Variants in ENPP3 observed in about 807,000 individuals in gnomAD.
ENPP3 encodes ectonucleotide pyrophosphatase/phosphodiesterase family member 3.
Under a neutral mutation model 117.8 loss-of-function variants are expected in ENPP3, and 104 were observed. The ratio of observed to expected loss-of-function variants is 0.88; its 90% confidence interval spans 0.75 to 1.04. The LOEUF is 1.04. Ranked by LOEUF, ENPP3 falls within the 50% of genes least tolerant of loss-of-function variation. The pLI is 0.00. For missense variants in ENPP3, 1,026 were observed against 1,051.9 expected (o/e 0.98, Z 0.34); for synonymous variants, 380 against 349.9 (o/e 1.09, Z -0.96).
chr6:131,734,081 C>T (rs1780344532), intron 21 of ENPP3, among the ~76,000 whole-genome samples: 1 of 151,968 alleles, frequency 6.6e-6, no homozygotes, highest in African/African-American at 2.4e-5. Flanking sequence ...CAGCTGTGCC[C>T]GTGAAAAGAA....
Position 131,671,343 on chromosome 6 carries a change from A to T in ENPP3, c.642+16A>T, listed in dbSNP as rs1392420867. The T allele has an allele frequency of 6.5e-7, 1 of 1,527,042 alleles. No homozygotes were observed. The allele number at this position is 1,527,042 out of a possible 1,614,324, so 94.6% of individuals were successfully genotyped here. On this transcript the variant is annotated intron_variant, in intron 7 of 24. Transcript: ENST00000357639. Reference sequence around the variant, plus strand: ...CATTGTCACGGTAAGTGCTTGACCCAGTGGTAAGACAGGCCAAAGACCAGA... The same window carrying T: ...CATTGTCACGGTAAGTGCTTGACCCTGTGGTAAGACAGGCCAAAGACCAGA...
chr6:131,692,738 A>G (rs1450530229), intron 14 of ENPP3, among the ~76,000 whole-genome samples: 6 of 145,872 alleles, frequency 4.1e-5, no homozygotes, highest in Non-Finnish European at 9.0e-5. Flanking sequence ...TGGCTATATT[A>G]TATATGATAT....
intron 2 of ENPP3, among the ~76,000 whole-genome samples, chr6:131,649,817 A>G (rs1188375467): frequency 3.3e-5 from 5 of 152,044 alleles, no homozygotes; most frequent in Non-Finnish European, 5.9e-5. Flanking sequence ...TGGCCTCACA[A>G]AGTGTTGTTA....
chr6:131,672,566 ACTCT>A (rs1778768779), intron 7 of ENPP3, among the ~76,000 whole-genome samples: 1 of 152,014 alleles, frequency 6.6e-6, no homozygotes, highest in South Asian at 2.1e-4. Context: ...CAGGAACCTA[ACTCT>A]CTATTTTTCC....
intron 24 of ENPP3, 142 bp downstream of exon 24, chr6:131,740,522 C>T (rs1317978324): frequency 1.9e-6 from 1 of 535,662 alleles, no homozygotes; most frequent in Non-Finnish European, 3.1e-6. Context: ...CATTTTTAGG[C>T]TTTTCCTTAG....
intron 23 of ENPP3, among the ~76,000 whole-genome samples, chr6:131,738,924 ATTT>A (rs1780461842): frequency 6.6e-6 from 1 of 152,182 alleles, no homozygotes; most frequent in Non-Finnish European, 1.5e-5. Flanking sequence ...CCATGTCCTT[ATTT>A]CAGTGTTGAA....
intron 24 of ENPP3, among the ~76,000 whole-genome samples, chr6:131,742,751 G>T (rs1456993227): frequency 6.6e-6 from 1 of 152,144 alleles, no homozygotes; most frequent in Non-Finnish European, 1.5e-5. Context: ...AACACATCTT[G>T]AGTTTGCTTA....
intron 24 of ENPP3, among the ~76,000 whole-genome samples, chr6:131,742,054 G>A (rs141736041): frequency 1.9e-4 from 29 of 152,246 alleles, no homozygotes; most frequent in African/African-American, 5.1e-4. Flanking sequence ...TGACATTTCA[G>A]TTGGGTCATG....
chr6:131,737,944 T>C (rs1190955085), intron 22 of ENPP3, 87 bp from the exon 23 acceptor site: 1 of 925,496 alleles, frequency 1.1e-6, no homozygotes, highest in African/African-American at 1.7e-5. Context: ...GAATTTCATG[T>C]TATTTAAATG....
At position 131,709,850 on chromosome 6, in the gene ENPP3, A is replaced by T. The variant is rs200226156; in HGVS notation, c.1413-8822A>T. Reference sequence around the variant, plus strand: ...AGTTTCATTTCATTTTCTTGATAGAATTCAGTCATTATTTTAAGTTTCTGT... The same window carrying T: ...AGTTTCATTTCATTTTCTTGATAGATTTCAGTCATTATTTTAAGTTTCTGT... On this transcript the variant is annotated intron_variant, in intron 15 of 24. Transcript: ENST00000357639. 921 of 1,599,076 alleles carry T rather than the reference A, an allele frequency of 5.8e-4. 7 individuals are homozygous for T. The South Asian group carries it at 9.8e-3, about 17-fold the overall frequency.
intron 17 of ENPP3, 114 bp downstream of exon 17, chr6:131,720,493 A>G (rs570880008): frequency 1.9e-6 from 1 of 527,858 alleles, no homozygotes; most frequent in East Asian, 3.0e-5. Context: ...GTGAGAAGGC[A>G]GAAAGTAAAA....
In ENPP3 at chr6:131,723,086, A is replaced by C. The variant is rs1780070641; in HGVS notation, c.1746+681A>C. Among the ~76,000 whole-genome samples the C allele has an allele frequency of 1.3e-5, 2 of 152,188 alleles. 1 individual carries two copies. The highest frequency in any genetic ancestry group is 4.1e-4 in the South Asian group (2 of 4,832). ...GATGGGGTTGGGATTTCAGAGTGAA[A>C]TTGGAGCCCCGTTATCAGGAGTCCT... On this transcript the variant is annotated intron_variant, in intron 18 of 24. Coordinates refer to ENST00000357639, the MANE Select transcript of ENPP3 (RefSeq NM_005021.5).
At chr6:131,638,471 T>A (rs1197976725) in intron 1 of ENPP3, 1 of 453,500 alleles carries the variant, frequency 2.2e-6, no homozygotes, top group African/African-American at 2.0e-5. Context: ...CTTTGGGATC[T>A]CACCTCACCA....
chr6:131,676,012 C>T (rs1369964586), intron 9 of ENPP3, among the ~76,000 whole-genome samples: 1 of 152,086 alleles, frequency 6.6e-6, no homozygotes, highest in African/African-American at 2.4e-5. Flanking sequence ...TCTGCTACTC[C>T]CTCGGGTGCT....
At chr6:131,742,227 T>A (rs896925832) in intron 24 of ENPP3, among the ~76,000 whole-genome samples, 1 of 152,172 alleles carries the variant, frequency 6.6e-6, no homozygotes. Flanking sequence ...ACTTTTTCTG[T>A]CAGCATTTTG....
intron 20 of ENPP3, among the ~76,000 whole-genome samples, chr6:131,727,469 C>T (rs1043670190): frequency 9.5e-5 from 14 of 147,914 alleles, no homozygotes; most frequent in African/African-American, 2.5e-4. Flanking sequence ...GCAGGAGAAT[C>T]GCTTGAACCC....
chr6:131,735,675 G>T (rs1780381652), intron 21 of ENPP3, among the ~76,000 whole-genome samples: 1 of 152,092 alleles, frequency 6.6e-6, no homozygotes, highest in African/African-American at 2.4e-5. Flanking sequence ...CATATAAGTG[G>T]AATTGTGCAC....
rs139938817 is a variant in ENPP3 at position 131,733,710 on chromosome 6, C to T, written c.2076C>T (p.Phe692=). Residue 692 remains phenylalanine (F), a synonymous_variant, in exon 21 of 25, where the codon TTC becomes TTT. Coordinates refer to ENST00000357639, the MANE Select transcript of ENPP3 (RefSeq NM_005021.5). ...YLADKNITHG[F]LYPPASNRTS... is the part of the protein sequence containing the mutation. ...CAGACAAGAATATCACCCACGGCTT[C>T]CTCTATCCTCCTGGTTAGTAGAACT... is the stretch of plus-strand genomic sequence containing the variant. 8.1e-6 allele frequency: 13 copies of T among 1,613,916 alleles called. No individual in the cohort carries two copies. In the African/African-American group the frequency reaches 1.7e-4, roughly 22 times the overall value.
At chr6:131,664,567 G>A (rs910838290) in intron 6 of ENPP3, among the ~76,000 whole-genome samples, 7 of 152,144 alleles carry the variant, frequency 4.6e-5, no homozygotes, top group Non-Finnish European at 7.4e-5. Flanking sequence ...GTTTACAGTA[G>A]TGTCCTAGAT....
Sources: gnomAD v4.1 joint callset for allele counts (sites outside exome capture counted in the v4.1 genomes callset) on GRCh38, gnomAD v4.1.1 for gene constraint, MANE v1.5 for transcripts, NCBI Gene and HGNC (gene_info 2026-07-23, HGNC 2026-07-21) for gene names.